NCOA3: variants seen among roughly 807,000 people sequenced by gnomAD.
NCOA3 encodes CBP-interacting protein.
A neutral mutation model predicts 158.8 loss-of-function variants in NCOA3; 51 were observed. The ratio of observed to expected loss-of-function variants is 0.32; its 90% CI spans 0.26 to 0.41. The LOEUF is 0.41. Ranked by LOEUF, NCOA3 falls within the 10% of genes least tolerant of loss-of-function variation. NCOA3 has a pLI of 1.00. For synonymous variants in NCOA3, 537 were observed against 592.4 expected (o/e 0.91, Z 1.36); for missense variants, 1,510 against 1,746.6 (o/e 0.86, Z 2.41).
At chr20:47,575,013 C>T (rs2085350885) in intron 1 of NCOA3, among the ~76,000 whole-genome samples, 1 of 152,084 alleles carries the variant, frequency 6.6e-6, no homozygotes, top group South Asian at 2.1e-4. Context: ...GGGATCTTCC[C>T]CAACCTCCCC....
chr20:47,514,683 TTTTG>T (rs1046247765), intron 1 of NCOA3, among the ~76,000 whole-genome samples: 10 of 151,112 alleles, frequency 6.6e-5, no homozygotes, highest in East Asian at 3.9e-4. Flanking sequence ...TGTGCTGTTT[TTTTG>T]TTTGTTTGTT....
chr20:47,612,330 G>A lies in NCOA3; in HGVS notation c.-19-9899G>A, dbSNP rs72645223. Among the ~76,000 whole-genome samples, 1,099 of 152,246 alleles carry A rather than the reference G, an allele frequency of 7.2e-3. 22 individuals are homozygous for A. Among genetic ancestry groups the A allele is most frequent in the African/African-American group, 0.025 (1,042 of 41,538 alleles). On this transcript the variant is annotated intron_variant, in intron 2 of 22. Transcript: ENST00000371998. The stretch of plus-strand genomic sequence containing the variant: ...ACAATGGTTTAGAGCTTACAAGGTA[G>A]GAAGCAGAGACAGAAATAGTGTAAT...
chr20:47,504,950 T>C (rs1393986328), intron 1 of NCOA3, among the ~76,000 whole-genome samples: 1 of 148,334 alleles, frequency 6.7e-6, no homozygotes, highest in Non-Finnish European at 1.5e-5. Context: ...TTAAAAACTC[T>C]GCTATTGTCC....
At chr20:47,562,898 T>C (rs371287728) in intron 1 of NCOA3, among the ~76,000 whole-genome samples, 1 of 152,204 alleles carries the variant, frequency 6.6e-6, no homozygotes, top group Non-Finnish European at 1.5e-5. Context: ...GAGGCTACTT[T>C]TATGATTATT....
chr20:47,628,661 C>T (rs552096379), intron 8 of NCOA3: 1 of 152,262 alleles, frequency 6.6e-6, no homozygotes, highest in East Asian at 1.9e-4. Flanking sequence ...AGTCGCCTGC[C>T]TCAGCCTCCC....
intron 2 of NCOA3, among the ~76,000 whole-genome samples, chr20:47,597,425 A>T (rs1270347162): frequency 6.7e-6 from 1 of 148,408 alleles, no homozygotes. Flanking sequence ...TGGTCTACTG[A>T]TGAGCCCATC....
chr20:47,575,580 T>C (rs1421761376), intron 1 of NCOA3, among the ~76,000 whole-genome samples: 1 of 152,216 alleles, frequency 6.6e-6, no homozygotes, highest in Non-Finnish European at 1.5e-5. Flanking sequence ...TTATATTAAG[T>C]CACACACTTC....
intron 10 of NCOA3, among the ~76,000 whole-genome samples, chr20:47,634,976 A>T (rs6018608): frequency 0.47 from 67,833 of 144,672 alleles, 16,174 homozygotes; most frequent in Middle Eastern, 0.63. Flanking sequence ...TCACCCAGGC[A>T]GGTGTGCAGT....
At position 47,627,541 on chromosome 20, in the gene NCOA3, T is replaced by C. The variant is rs1260982267; in HGVS notation, c.533-20T>C. ...GAGTTACCAGCTTTTTAAAATGTCATTTCAATTTGTTTTCCAAAGTTAATG... is the reference window on the plus strand; with the variant it reads ...GAGTTACCAGCTTTTTAAAATGTCACTTCAATTTGTTTTCCAAAGTTAATG... On this transcript the variant is annotated intron_variant, in intron 6 of 22. Transcript: ENST00000371998. 1.9e-6 allele frequency: 3 copies of C among 1,579,352 alleles called. No homozygotes were observed. Among genetic ancestry groups the C allele is most frequent in the Non-Finnish European group, 2.6e-6 (3 of 1,162,692 alleles).
intron 1 of NCOA3, among the ~76,000 whole-genome samples, chr20:47,534,147 C>A (rs2146113361): frequency 6.6e-6 from 1 of 151,764 alleles, no homozygotes; most frequent in Admixed American, 6.6e-5. Context: ...AAGAATCAAG[C>A]ATAATTCAAA....
Position 47,626,902 on chromosome 20 carries a change from A to T in NCOA3, c.358-100A>T, listed in dbSNP as rs891453209. 4 of 1,108,434 alleles carry T rather than the reference A, an allele frequency of 3.6e-6. No homozygotes were observed. The African/African-American group carries it at 6.3e-5, about 18-fold the overall frequency. The allele number at this position is 1,108,434 out of a possible 1,614,324, so 68.7% of individuals were successfully genotyped here. On this transcript the variant is annotated intron_variant, in intron 5 of 22. Transcript: ENST00000371998. ...TTACCTCCTTGAAGGTCTTGTTTCC[A>T]AATACAGTTACACTGATGGTTAGAG...
At chr20:47,582,361 G>A (rs7269942) in intron 1 of NCOA3, among the ~76,000 whole-genome samples, 5,347 of 152,118 alleles carry the variant, frequency 0.035, 253 homozygotes, top group African/African-American at 0.11. Flanking sequence ...ACAGGCGCAT[G>A]CCATCACACC....
intron 2 of NCOA3, among the ~76,000 whole-genome samples, chr20:47,616,633 A>T (rs1243303417): frequency 6.6e-6 from 1 of 152,216 alleles, no homozygotes; most frequent in African/African-American, 2.4e-5. Context: ...GATAGAGTTT[A>T]TATTGAAAGA....
chr20:47,555,645 T>G (rs2084992045), intron 1 of NCOA3, among the ~76,000 whole-genome samples: 1 of 145,190 alleles, frequency 6.9e-6, no homozygotes, highest in African/African-American at 2.5e-5. Context: ...TTTTTTTTTT[T>G]TTTTTTTTTT....
chr20:47,647,274 G>A lies in NCOA3; in HGVS notation c.3454G>A (p.Gly1152Arg), dbSNP rs1326128788. ...MNQQGNFPLQ[G>R]MHPRANIMRP... The stretch of plus-strand genomic sequence containing the variant: ...CCAGCAAGGCAATTTTCCTCTCCAA[G>A]GAATGCACCCACGAGCCAACATCAT... Residue 1152 changes from glycine to arginine, a missense_variant, in exon 18 of 23, where the codon GGA becomes AGA. Coordinates refer to ENST00000371998, the MANE Select transcript of NCOA3 (RefSeq NM_181659.3). 2 of 1,614,106 alleles carry A rather than the reference G, an allele frequency of 1.2e-6. No individual in the cohort carries two copies. The highest frequency in any genetic ancestry group is 1.7e-6 in the Non-Finnish European group (2 of 1,180,026).
chr20:47,590,045 C>T (rs903459682), intron 2 of NCOA3, among the ~76,000 whole-genome samples: 2 of 151,994 alleles, frequency 1.3e-5, no homozygotes, highest in Non-Finnish European at 2.9e-5. Flanking sequence ...AAATAATCCC[C>T]CTGCATTGGT....
intron 12 of NCOA3, among the ~76,000 whole-genome samples, chr20:47,637,445 A>G (rs2086533186): frequency 6.6e-6 from 1 of 152,236 alleles, no homozygotes; most frequent in Non-Finnish European, 1.5e-5. Flanking sequence ...CTTTGAAAGG[A>G]CCAAATGTAG....
Position 47,639,753 on chromosome 20 carries a change from C to T in NCOA3, c.2884C>T (p.Pro962Ser), listed in dbSNP as rs1181111229. Residue 962 changes from proline (P) to serine (S), a missense_variant, in exon 15 of 23, where the codon CCT becomes TCT. Transcript: ENST00000371998. ...ACTGGGTGGCTCTATTCCCACATTG[C>T]CTCTTCGGTCTAATAGCATACCAGG... Reference protein sequence around the residue: ...PALGGSIPTLPLRSNSIPGAR... With the variant: ...PALGGSIPTLSLRSNSIPGAR... 1.9e-6 allele frequency: 3 copies of T among 1,614,210 alleles called. No individual in the cohort carries two copies. The highest frequency in any genetic ancestry group is 2.5e-6 in the Non-Finnish European group (3 of 1,180,044).
intron 1 of NCOA3, among the ~76,000 whole-genome samples, chr20:47,553,479 T>C (rs1057290738): frequency 1.3e-5 from 2 of 151,884 alleles, no homozygotes; most frequent in African/African-American, 4.8e-5. Flanking sequence ...ACATGTGCCA[T>C]GCTGGTGTGC....
Sources: gnomAD v4.1 joint callset for allele counts (sites outside exome capture counted in the v4.1 genomes callset) on GRCh38, gnomAD v4.1.1 for gene constraint, MANE v1.5 for transcripts, NCBI Gene and HGNC (gene_info 2026-07-23, HGNC 2026-07-21) for gene names.